Variants in BCOR observed in about 807,000 individuals in gnomAD.
BCOR encodes BCL-6 corepressor.
A neutral mutation model predicts 86.7 loss-of-function variants in BCOR; 10 were observed. The observed-to-expected ratio is 0.12, with a 90% confidence interval of 0.07 to 0.20. The LOEUF is 0.20. Among genes scored for constraint, BCOR ranks in the 10% least tolerant of loss-of-function variants. The probability of loss-of-function intolerance (pLI) is 1.00; values close to 1 mark genes in which losing one functional copy is unlikely to be tolerated. For missense variants in BCOR, 1,259 were observed against 1,452.1 expected (o/e 0.87, Z 2.16); for synonymous variants, 611 against 609.0 (o/e 1.00, Z -0.05).
chrX:40,143,136 C>A (rs1042176844), intron 1 of BCOR, among the ~76,000 whole-genome samples: 1 of 112,012 alleles, frequency 8.9e-6, no homozygotes, highest in East Asian at 2.8e-4. Flanking sequence ...GAAGGACTGG[C>A]GAGCTGCAGG....
chrX:40,086,428 G>A (rs1331176748), intron 1 of BCOR, among the ~76,000 whole-genome samples: 4 of 113,259 alleles, frequency 3.5e-5, no homozygotes, highest in South Asian at 7.1e-4. Flanking sequence ...CCACCAACAC[G>A]GTGACACTCA....
At chrX:40,171,447 T>C (rs1230268585) in intron 1 of BCOR, among the ~76,000 whole-genome samples, 1 of 110,229 alleles carries the variant, frequency 9.1e-6, no homozygotes, top group African/African-American at 3.3e-5. Flanking sequence ...CGCGGCTGGA[T>C]TAGTCCCGGG....
At chrX:40,131,394 C>T (rs774574592) in intron 1 of BCOR, among the ~76,000 whole-genome samples, 72 of 112,526 alleles carry the variant, frequency 6.4e-4, no homozygotes, top group Admixed American at 8.5e-4. Context: ...CAGTGGCTCA[C>T]GCCTGCAATC....
intron 1 of BCOR, among the ~76,000 whole-genome samples, chrX:40,175,334 C>T (rs949528981): frequency 2.6e-4 from 30 of 113,577 alleles, no homozygotes; most frequent in African/African-American, 8.9e-4. Flanking sequence ...TGGATTTTCG[C>T]GGCCCGGGCC....
At chrX:40,079,725 G>A (rs1242141534) in intron 1 of BCOR, among the ~76,000 whole-genome samples, 6 of 111,365 alleles carry the variant, frequency 5.4e-5, no homozygotes, top group African/African-American at 9.9e-5. Context: ...GGACCGACTC[G>A]GCTGTTGGGG....
At chrX:40,136,197 G>A (rs1019194590) in intron 1 of BCOR, among the ~76,000 whole-genome samples, 4 of 112,271 alleles carry the variant, frequency 3.6e-5, no homozygotes, top group African/African-American at 6.5e-5. Flanking sequence ...CCACTTGTCC[G>A]TAGAAGATGA....
intron 1 of BCOR, among the ~76,000 whole-genome samples, chrX:40,092,904 C>T (rs1569172659): frequency 8.9e-6 from 1 of 112,456 alleles, no homozygotes; most frequent in South Asian, 3.7e-4. Context: ...GTACCCAAGT[C>T]GGTCTCACTC....
chrX:40,057,334 G>A lies in BCOR; in HGVS notation c.4429-13C>T. On this transcript the variant is annotated splice_polypyrimidine_tract_variant and intron_variant, in intron 10 of 14. Coordinates refer to ENST00000378444, the MANE Select transcript of BCOR (RefSeq NM_001123385.2). ...ACAGGACCACTTCCTGTGGGGAGGG[G>A]AGGGAAGAATGCCATCAGATCACTG... 8.3e-7 allele frequency: 1 copy of A among 1,206,164 alleles called. No homozygotes were observed.
rs1934331749 is a variant in BCOR at position 40,052,211 on chromosome X, C to T, written c.5166G>A (p.Glu1722=). 3 of 1,210,204 alleles carry T rather than the reference C, an allele frequency of 2.5e-6. No individual in the cohort carries two copies. Among genetic ancestry groups the T allele is most frequent in the Non-Finnish European group, 2.2e-6 (2 of 895,173 alleles). Residue 1722 remains glutamate (E), a synonymous_variant, in exon 15 of 15, where the codon GAG becomes GAA. Transcript: ENST00000378444. Reference sequence around the variant, plus strand: ...TCGTGAATTCCACCAGATCTAACAGCTCCTTACTTTCAGGGTTGAAGGCTT... The same window carrying T: ...TCGTGAATTCCACCAGATCTAACAGTTCCTTACTTTCAGGGTTGAAGGCTT... ...DLEAFNPESK[E]LLDLVEFTNE... is the part of the protein sequence containing the mutation.
chrX:40,062,094 C>G (rs773662330), intron 10 of BCOR, 45 bp downstream of exon 10: 1 of 1,171,097 alleles, frequency 8.5e-7, no homozygotes, highest in African/African-American at 1.8e-5. Context: ...TCCGCAGGCC[C>G]CGCCCCCCAG....
Position 40,168,161 on chromosome X carries a change from C to A in BCOR, c.-41+8846G>T, listed in dbSNP as rs749030221. ...GTCCTTCCTCGCTGCGCTTCCTTCC[C>A]TGCCCCCTCTTTTAAAGAGCTCCTC... On this transcript the variant is annotated intron_variant, in intron 1 of 14. Transcript: ENST00000342274. Among the ~76,000 whole-genome samples, 3 of 113,283 alleles carry A rather than the reference C, an allele frequency of 2.6e-5. No individual in the cohort carries two copies. The East Asian group carries it at 8.4e-4, about 32-fold the overall frequency.
At chrX:40,071,751 C>T (rs1401680652) in intron 4 of BCOR, 61 bp from the exon 5 acceptor site, 2 of 864,428 alleles carry the variant, frequency 2.3e-6, no homozygotes, top group Admixed American at 2.4e-5. Flanking sequence ...TTTTTATAAG[C>T]ATAAACCAAT....
chrX:40,089,857 G>C (rs1016289483), intron 1 of BCOR, among the ~76,000 whole-genome samples: 23 of 112,123 alleles, frequency 2.1e-4, no homozygotes, highest in African/African-American at 6.2e-4. Context: ...AAACCCCAGG[G>C]AACAAAGTAG....
intron 1 of BCOR, among the ~76,000 whole-genome samples, chrX:40,109,156 A>T (rs1937250864): frequency 3.6e-5 from 4 of 111,953 alleles, no homozygotes; most frequent in Non-Finnish European, 5.7e-5. Context: ...AGAGGCCCGG[A>T]GCCGCAGATT....
upstream of BCOR, among the ~76,000 whole-genome samples, chrX:40,102,253 T>A (rs936280098): frequency 1.8e-5 from 2 of 112,987 alleles, no homozygotes; most frequent in Admixed American, 1.9e-4. Context: ...CTCTCCGTGG[T>A]TCCTAGCAAC....
chrX:40,151,681 G>C (rs1297166699), intron 1 of BCOR, among the ~76,000 whole-genome samples: 1 of 112,968 alleles, frequency 8.9e-6, no homozygotes, highest in African/African-American at 3.2e-5. Context: ...AGGCAGCCAC[G>C]ACTGAACGGT....
At chrX:40,128,964 C>G (rs1192376614) in intron 1 of BCOR, among the ~76,000 whole-genome samples, 1 of 112,021 alleles carries the variant, frequency 8.9e-6, no homozygotes, top group Non-Finnish European at 1.9e-5. Context: ...AATGCATTCC[C>G]TTATTCAATC....
intron 6 of BCOR, 55 bp downstream of exon 6, chrX:40,070,918 G>A: frequency 8.8e-7 from 1 of 1,130,536 alleles, no homozygotes; most frequent in Admixed American, 2.2e-5. Flanking sequence ...ATTTCTCCAA[G>A]CAGATGCCAA....
At position 40,165,066 on chromosome X, in the gene BCOR, G is replaced by A. The variant is rs778247020; in HGVS notation, c.-41+11941C>T. On this transcript the variant is annotated intron_variant, in intron 1 of 14. Coordinates refer to the BCOR transcript ENST00000342274. ...GGAGGGGCTGAAAGACATCTGGAAT[G>A]TGATGGACCGAGGAGGGGAATGGGG... Among the ~76,000 whole-genome samples, 4 of 111,843 alleles carry A rather than the reference G, an allele frequency of 3.6e-5. No individual in the cohort carries two copies. The South Asian group carries it at 1.5e-3, about 42-fold the overall frequency.
Sources: gnomAD v4.1 joint callset for allele counts (sites outside exome capture counted in the v4.1 genomes callset) on GRCh38, gnomAD v4.1.1 for gene constraint, MANE v1.5 for transcripts, NCBI Gene and HGNC (gene_info 2026-07-23, HGNC 2026-07-21) for gene names.